Variants in THSD7B observed in about 807,000 individuals in gnomAD.
The protein encoded by THSD7B is thrombospondin type-1 domain-containing protein 7B.
A neutral mutation model predicts 213.6 loss-of-function variants in THSD7B; 138 were observed. The ratio of observed to expected loss-of-function variants is 0.65; its 90% CI spans 0.56 to 0.74. The LOEUF (loss-of-function observed/expected upper bound fraction) is 0.74, where lower values mean the gene tolerates loss of function less well. THSD7B is among the 30% of genes least tolerant of loss of function. THSD7B has a pLI of 0.00. For synonymous variants in THSD7B, 742 were observed against 687.0 expected, an observed-to-expected ratio of 1.08 and a Z score of -1.25; for missense variants, 1,931 against 1,991.5, an observed-to-expected ratio of 0.97 and a Z score of 0.58.
intron 17 of THSD7B, among the ~76,000 whole-genome samples, chr2:137,583,902 A>G (rs984790168): frequency 1.2e-4 from 18 of 152,212 alleles, no homozygotes; most frequent in Non-Finnish European, 1.8e-4. Context: ...GATGGGGATG[A>G]CATTGAATCT....
intron 2 of THSD7B, among the ~76,000 whole-genome samples, chr2:136,887,855 A>C (rs1683746500): frequency 6.6e-6 from 1 of 152,194 alleles, no homozygotes; most frequent in African/African-American, 2.4e-5. Context: ...CTGGTTGTCT[A>C]AGGGGAAAAA....
intron 15 of THSD7B, among the ~76,000 whole-genome samples, chr2:137,465,551 A>G (rs911887559): frequency 5.9e-5 from 9 of 152,134 alleles, no homozygotes; most frequent in African/African-American, 1.7e-4. Flanking sequence ...CATTCTGTCA[A>G]TGAGGTAACT....
chr2:137,016,082 G>A (rs1323495186), intron 2 of THSD7B, among the ~76,000 whole-genome samples: 1 of 152,178 alleles, frequency 6.6e-6, no homozygotes, highest in Non-Finnish European at 1.5e-5. Flanking sequence ...GTCAGCCACT[G>A]TGCTAAATGC....
intron 26 of THSD7B, among the ~76,000 whole-genome samples, chr2:137,664,232 A>G (rs897056447): frequency 6.6e-6 from 1 of 152,228 alleles, no homozygotes; most frequent in African/African-American, 2.4e-5. Context: ...AACTAAAATG[A>G]CAAAATTGGA....
At chr2:136,980,041 G>A (rs1293797598) in intron 2 of THSD7B, among the ~76,000 whole-genome samples, 3 of 151,686 alleles carry the variant, frequency 2.0e-5, no homozygotes, top group Non-Finnish European at 4.4e-5. Context: ...GCTGTGCTTT[G>A]CTGGGGGTTC....
chr2:137,252,244 G>A (rs111303756), intron 10 of THSD7B, among the ~76,000 whole-genome samples: 1 of 125,598 alleles, frequency 8.0e-6, no homozygotes. Context: ...TTCAGCCTGG[G>A]TGACAGAGCG....
At chr2:137,541,866 C>T (rs1680616853) in intron 15 of THSD7B, among the ~76,000 whole-genome samples, 1 of 150,002 alleles carries the variant, frequency 6.7e-6, no homozygotes, top group African/African-American at 2.5e-5. Flanking sequence ...AAAAAAAAAT[C>T]AGTGAATTCA....
chr2:137,226,848 C>T (rs970619347), intron 7 of THSD7B, among the ~76,000 whole-genome samples: 5 of 146,658 alleles, frequency 3.4e-5, no homozygotes, highest in Non-Finnish European at 6.2e-5. Context: ...AAATGTCTAT[C>T]GACAGATGAA....
intron 7 of THSD7B, among the ~76,000 whole-genome samples, chr2:137,197,794 A>G (rs1238586947): frequency 6.6e-6 from 1 of 152,172 alleles, no homozygotes; most frequent in Admixed American, 6.5e-5. Flanking sequence ...AGTGTAGTCC[A>G]TGTTTGTGAA....
At chr2:137,332,300 C>T (rs1157840721) in intron 12 of THSD7B, among the ~76,000 whole-genome samples, 2 of 152,172 alleles carry the variant, frequency 1.3e-5, no homozygotes, top group Non-Finnish European at 2.9e-5. Flanking sequence ...TATTTTGGAA[C>T]TTTAAGATTT....
intron 7 of THSD7B, among the ~76,000 whole-genome samples, chr2:137,217,225 T>C (rs559535020): frequency 6.6e-6 from 1 of 152,226 alleles, no homozygotes; most frequent in South Asian, 2.1e-4. Context: ...AAATGCCTTT[T>C]CATATGCCCA....
chr2:137,425,467 TC>T (rs1230977691), intron 14 of THSD7B, among the ~76,000 whole-genome samples: 1 of 152,154 alleles, frequency 6.6e-6, no homozygotes, highest in East Asian at 1.9e-4. Context: ...TCCGCCCACC[TC>T]AGCCTCCCAA....
chr2:137,629,966 T>C (rs565429227), intron 20 of THSD7B, among the ~76,000 whole-genome samples: 1 of 151,948 alleles, frequency 6.6e-6, no homozygotes, highest in African/African-American at 2.4e-5. Flanking sequence ...ATGAGTATTT[T>C]CTACTTGCAT....
chr2:137,435,044 C>G (rs1687264795), intron 14 of THSD7B, among the ~76,000 whole-genome samples: 1 of 152,020 alleles, frequency 6.6e-6, no homozygotes, highest in South Asian at 2.1e-4. Flanking sequence ...AAGCCTTCTT[C>G]TAGGAAAAAA....
At chr2:137,647,738 G>A (rs1281124155) in intron 21 of THSD7B, among the ~76,000 whole-genome samples, 1 of 152,042 alleles carries the variant, frequency 6.6e-6, no homozygotes. Context: ...TTCATGAATG[G>A]TACTGAGACA....
chr2:137,557,926 T>C (rs1573707172), intron 15 of THSD7B, among the ~76,000 whole-genome samples: 2 of 152,284 alleles, frequency 1.3e-5, no homozygotes, highest in African/African-American at 4.8e-5. Context: ...CAGAGAATAC[T>C]ATAAACACCT....
intron 17 of THSD7B, among the ~76,000 whole-genome samples, chr2:137,593,565 G>T (rs932629519): frequency 2.1e-5 from 3 of 141,772 alleles, no homozygotes; most frequent in Non-Finnish European, 4.7e-5. Context: ...TGGGTCATTA[G>T]ATATCTTATT....
intron 15 of THSD7B, among the ~76,000 whole-genome samples, chr2:137,522,029 G>A (rs556865059): frequency 6.6e-6 from 1 of 152,290 alleles, no homozygotes; most frequent in African/African-American, 2.4e-5. Flanking sequence ...TTGTAAATGT[G>A]GACAACTTCC....
intron 15 of THSD7B, among the ~76,000 whole-genome samples, chr2:137,548,975 G>A (rs984324213): frequency 1.3e-5 from 2 of 151,924 alleles, no homozygotes; most frequent in African/African-American, 4.8e-5. Context: ...TAGAGAAAAG[G>A]AATAGCATGA....
Sources: allele counts gnomAD v4.1 joint callset (sites outside exome capture counted in the v4.1 genomes callset), GRCh38; gene constraint gnomAD v4.1.1; transcripts MANE v1.5; gene names NCBI Gene and HGNC (gene_info 2026-07-23, HGNC 2026-07-21).